VAV2: variants seen among roughly 807,000 people sequenced by gnomAD.
VAV2 encodes vav guanine nucleotide exchange factor 2, also known as guanine nucleotide exchange factor VAV2.
VAV2 carries 67 observed loss-of-function variants against 132.5 expected under a neutral mutation model. The ratio of observed to expected loss-of-function variants is 0.51; its 90% CI spans 0.42 to 0.62. VAV2 has a LOEUF of 0.62. Ranked by LOEUF, VAV2 falls within the 20% of genes least tolerant of loss-of-function variation. The probability of loss-of-function intolerance (pLI) is 0.00; values close to 1 mark genes in which losing one functional copy is unlikely to be tolerated. For missense variants in VAV2, 938 were observed against 1,153.6 expected, an observed-to-expected ratio of 0.81 and a Z score of 2.71; for synonymous variants, 492 against 443.5, an observed-to-expected ratio of 1.11 and a Z score of -1.37.
chr9:133,853,389 CCAGGT>C (rs1344218056), intron 3 of VAV2, among the ~76,000 whole-genome samples: 1 of 152,102 alleles, frequency 6.6e-6, no homozygotes, highest in Non-Finnish European at 1.5e-5. Context: ...GGACACTAGG[CCAGGT>C]CTAGTGCATG....
At chr9:133,974,032 C>T (rs985032369) in intron 1 of VAV2, among the ~76,000 whole-genome samples, 1 of 152,124 alleles carries the variant, frequency 6.6e-6, no homozygotes, top group African/African-American at 2.4e-5. Flanking sequence ...CAGAACGCTC[C>T]CTTCACGCTC....
intron 19 of VAV2, among the ~76,000 whole-genome samples, chr9:133,782,415 C>G (rs1834043819): frequency 6.6e-6 from 1 of 152,072 alleles, no homozygotes; most frequent in South Asian, 2.1e-4. Flanking sequence ...AGCACTAACT[C>G]CAGGGGCTGC....
intron 1 of VAV2, among the ~76,000 whole-genome samples, chr9:133,984,071 A>G (rs1842780483): frequency 6.6e-6 from 1 of 152,108 alleles, no homozygotes; most frequent in Non-Finnish European, 1.5e-5. Context: ...TTCTGGGTTC[A>G]AGCCATTCTC....
At chr9:133,850,347 C>T (rs1425538711) in intron 3 of VAV2, among the ~76,000 whole-genome samples, 2 of 152,208 alleles carry the variant, frequency 1.3e-5, no homozygotes, top group South Asian at 2.1e-4. Flanking sequence ...TTCACCTGCA[C>T]GTGACCAGTG....
chr9:133,766,540 G>A (rs546119876), intron 29 of VAV2, among the ~76,000 whole-genome samples: 52 of 151,638 alleles, frequency 3.4e-4, no homozygotes, highest in Non-Finnish European at 6.9e-4. Flanking sequence ...ACCAAACACC[G>A]CATGTTCTCT....
chr9:133,885,832 G>C lies in VAV2; in HGVS notation c.322-24400C>G, dbSNP rs1564435460. Among the ~76,000 whole-genome samples the C allele has an allele frequency of 6.6e-6, 1 of 152,194 alleles. No individual in the cohort carries two copies. Among genetic ancestry groups the C allele is most frequent in the Non-Finnish European group, 1.5e-5 (1 of 68,040 alleles). On this transcript the variant is annotated intron_variant, in intron 2 of 29. Transcript: ENST00000371850. This position sits in a 1 kb window ranked among gnomAD's most constrained non-coding sequence, Gnocchi z 5.0. The stretch of plus-strand genomic sequence containing the variant: ...CACTCACCCACTTACCCTTGGGCTG[G>C]AAGGAACCACAGGCGCCACTGGGAC...
intron 17 of VAV2, 149 bp downstream of exon 17, chr9:133,785,627 G>A (rs1192979307): frequency 4.7e-6 from 3 of 640,728 alleles, no homozygotes; most frequent in Non-Finnish European, 8.2e-6. Flanking sequence ...CGTCCCAGGG[G>A]TGATGGAGGT....
chr9:133,807,618 C>CGTTGGG (rs916289427), intron 7 of VAV2, among the ~76,000 whole-genome samples: 27 of 152,150 alleles, frequency 1.8e-4, no homozygotes, highest in African/African-American at 6.3e-4. Context: ...CTGAGGTGGG[C>CGTTGGG]GTTGGGGTTG....
At chr9:133,882,129 G>A (rs140905346) in intron 2 of VAV2, among the ~76,000 whole-genome samples, 2 of 152,392 alleles carry the variant, frequency 1.3e-5, no homozygotes, top group East Asian at 3.9e-4. Flanking sequence ...ACGGGACACA[G>A]TGGACAGACA....
intron 1 of VAV2, among the ~76,000 whole-genome samples, chr9:133,947,807 T>A (rs929653534): frequency 2.0e-5 from 3 of 151,510 alleles, no homozygotes; most frequent in African/African-American, 7.3e-5. Flanking sequence ...AGTGTGTGTG[T>A]GAGACAGAGT....
At chr9:133,907,992 C>G (rs1839733256) in intron 2 of VAV2, among the ~76,000 whole-genome samples, 1 of 141,582 alleles carries the variant, frequency 7.1e-6, no homozygotes, top group African/African-American at 2.6e-5. Flanking sequence ...ACCCCACCCC[C>G]CTTCCTTCTC....
Position 133,884,539 on chromosome 9 carries a change from C to T in VAV2, c.322-23107G>A, listed in dbSNP as rs112552746. Among the ~76,000 whole-genome samples the T allele has an allele frequency of 5.3e-4, 81 of 152,292 alleles. No individual in the cohort carries two copies. Among genetic ancestry groups the T allele is most frequent in the Middle Eastern group, 3.4e-3 (1 of 294 alleles). ...GCTGGCCCACCCAGGCCAGCCTCTC[C>T]ACCCAGGCCAGCCTCTCCACCCAGG... is the stretch of plus-strand genomic sequence containing the variant. On this transcript the variant is annotated intron_variant, in intron 2 of 29. Coordinates refer to ENST00000371850, the MANE Select transcript of VAV2 (RefSeq NM_001134398.2). The surrounding 1 kb of genome is among the most constrained non-coding windows in gnomAD (Gnocchi z 5.3).
Position 133,931,009 on chromosome 9 carries a change from G to A in VAV2, c.321+8094C>T, listed in dbSNP as rs117467242. 2.2e-4 allele frequency among the ~76,000 whole-genome samples: 34 copies of A among 152,352 alleles called. No individual in the cohort carries two copies. In the East Asian group the frequency reaches 3.7e-3, roughly 16 times the overall value. On this transcript the variant is annotated intron_variant, in intron 2 of 29. Coordinates refer to ENST00000371850, the MANE Select transcript of VAV2 (RefSeq NM_001134398.2). ...GCTCTTTAACTCGAGCAAGAGAAGC[G>A]GCCTAGCGATTTCCTCTGGGAAGGT... is the stretch of plus-strand genomic sequence containing the variant.
intron 2 of VAV2, among the ~76,000 whole-genome samples, chr9:133,909,521 G>C (rs1839800336): frequency 6.6e-6 from 1 of 152,204 alleles, no homozygotes; most frequent in Admixed American, 6.5e-5. Context: ...AGAGTGCTCA[G>C]AACAGCGCCT....
intron 1 of VAV2, among the ~76,000 whole-genome samples, chr9:133,972,655 G>A (rs10821542): frequency 0.27 from 40,872 of 152,058 alleles, 5,870 homozygotes; most frequent in Middle Eastern, 0.35. Context: ...AGGGCCTCCC[G>A]CAAGAGTCCT....
chr9:133,921,704 C>G (rs939943868), intron 2 of VAV2, among the ~76,000 whole-genome samples: 3 of 152,348 alleles, frequency 2.0e-5, no homozygotes, highest in Non-Finnish European at 4.4e-5. Flanking sequence ...CGGCCCAGGC[C>G]CTGCTCCCCT....
intron 4 of VAV2, among the ~76,000 whole-genome samples, chr9:133,815,824 C>T (rs1835538041): frequency 6.6e-6 from 1 of 152,196 alleles, no homozygotes; most frequent in Admixed American, 6.5e-5. Flanking sequence ...GGGGGTTACA[C>T]AGGCTTTCTT....
At chr9:133,764,724 A>T (rs1833379110) in intron 29 of VAV2, among the ~76,000 whole-genome samples, 1 of 152,210 alleles carries the variant, frequency 6.6e-6, no homozygotes, top group Non-Finnish European at 1.5e-5. Context: ...GAGAGAAAAA[A>T]GGATGAAAAA....
At position 133,818,981 on chromosome 9, in the gene VAV2, G is replaced by A. The variant is rs1034461876; in HGVS notation, c.450-6765C>T. 6.6e-5 allele frequency among the ~76,000 whole-genome samples: 10 copies of A among 152,210 alleles called. No homozygotes were observed. The East Asian group carries it at 1.8e-3, about 27-fold the overall frequency. On this transcript the variant is annotated intron_variant, in intron 4 of 29. Coordinates refer to ENST00000371850, the MANE Select transcript of VAV2 (RefSeq NM_001134398.2). ...GCTGGTCTCGAACTCCTGGCCTCAA[G>A]CAATGTGCCTGCCTTGGCCTCCCAA...
Sources: gnomAD v4.1 joint callset for allele counts (sites outside exome capture counted in the v4.1 genomes callset) on GRCh38, gnomAD v4.1.1 for gene constraint, Gnocchi (gnomAD v3.1) non-coding constraint, MANE v1.5 for transcripts, NCBI Gene and HGNC (gene_info 2026-07-23, HGNC 2026-07-21) for gene names.